The following PITPNB variants were observed in gnomAD, a reference collection of about 807,000 sequenced individuals.
PITPNB encodes phosphatidylinositol transfer protein beta.
In PITPNB, 16 loss-of-function variants were observed where a neutral mutation model predicts 45.9. The ratio of observed to expected loss-of-function variants is 0.35; its 90% CI spans 0.24 to 0.53. The LOEUF is 0.53. Among genes scored for constraint, PITPNB ranks in the 20% least tolerant of loss-of-function variants. The pLI, the probability that PITPNB is intolerant of heterozygous loss-of-function variation, is 0.93. For synonymous variants in PITPNB, 112 were observed against 108.9 expected, an observed-to-expected ratio of 1.03 and a Z score of -0.18; for missense variants, 188 against 330.5, an observed-to-expected ratio of 0.57 and a Z score of 3.34.
At chr22:27,909,623 T>C (rs147903884) in intron 3 of PITPNB, among the ~76,000 whole-genome samples, 5 of 152,176 alleles carry the variant, frequency 3.3e-5, no homozygotes, top group African/African-American at 7.2e-5. Context: ...AAGAAAAATA[T>C]GGAAAAATAC....
At chr22:27,911,826 TA>T (rs1316968093) in intron 2 of PITPNB, among the ~76,000 whole-genome samples, 2 of 152,186 alleles carry the variant, frequency 1.3e-5, no homozygotes, top group Non-Finnish European at 2.9e-5. Flanking sequence ...CATATTACCA[TA>T]AAAGGTAGGA....
intron 3 of PITPNB, among the ~76,000 whole-genome samples, chr22:27,906,255 C>G (rs1788010825): frequency 6.6e-6 from 1 of 152,196 alleles, no homozygotes; most frequent in African/African-American, 2.4e-5. Flanking sequence ...ACAGCAGAGA[C>G]TGGATTGCTT....
intron 7 of PITPNB, among the ~76,000 whole-genome samples, chr22:27,879,284 A>G (rs1397579429): frequency 6.6e-6 from 1 of 152,242 alleles, no homozygotes; most frequent in African/African-American, 2.4e-5. Context: ...TTCAGCCCCA[A>G]GAAAAGGTTA....
intron 3 of PITPNB, among the ~76,000 whole-genome samples, chr22:27,902,522 A>G (rs1206166833): frequency 6.7e-6 from 1 of 150,176 alleles, no homozygotes; most frequent in African/African-American, 2.5e-5. Context: ...AATGGATGCA[A>G]TTATTGAGTT....
At chr22:27,876,057 A>C (rs1382746427) in intron 7 of PITPNB, among the ~76,000 whole-genome samples, 2 of 152,190 alleles carry the variant, frequency 1.3e-5, no homozygotes, top group African/African-American at 4.8e-5. Flanking sequence ...AACCTTAAAG[A>C]CCACCCAAGC....
At chr22:27,917,265 A>G (rs924212970) in intron 1 of PITPNB, among the ~76,000 whole-genome samples, 10 of 152,254 alleles carry the variant, frequency 6.6e-5, no homozygotes, top group African/African-American at 2.4e-4. Flanking sequence ...TTAGCTTCAT[A>G]CTACTCACAT....
At chr22:27,864,242 T>C (rs1569006372) in intron 8 of PITPNB, among the ~76,000 whole-genome samples, 4 of 152,214 alleles carry the variant, frequency 2.6e-5, no homozygotes, top group Admixed American at 2.0e-4. Context: ...GGGAGTCATC[T>C]GTTAAATGTG....
rs182678081 is a variant in PITPNB, at chr22:27,871,672, A to G, written c.534+2066T>C. 3.3e-5 allele frequency among the ~76,000 whole-genome samples: 5 copies of G among 152,360 alleles called. No homozygotes were observed. The East Asian group carries it at 9.6e-4, about 29-fold the overall frequency. On this transcript the variant is annotated intron_variant, in intron 8 of 11. Transcript: ENST00000335272. The stretch of plus-strand genomic sequence containing the variant: ...AATCCATTAAAGCAAATTTACATCA[A>G]GCAGGCTGAATTTGTTAATTTATAA...
Position 27,901,414 on chromosome 22 carries a change from C to T in PITPNB, c.198-3522G>A, listed in dbSNP as rs16985702. Reference sequence around the variant, plus strand: ...ACTTTTCCCACCCTTCTCCTTCCCACTGCAGATGAACATCAAAACACAGAA... The same window carrying T: ...ACTTTTCCCACCCTTCTCCTTCCCATTGCAGATGAACATCAAAACACAGAA... On this transcript the variant is annotated intron_variant, in intron 3 of 11. Coordinates refer to ENST00000335272, the MANE Select transcript of PITPNB (RefSeq NM_012399.5). 9.6e-3 allele frequency among the ~76,000 whole-genome samples: 1,461 copies of T among 152,318 alleles called. 29 individuals carry two copies. Among genetic ancestry groups the T allele is most frequent in the African/African-American group, 0.034 (1,399 of 41,560 alleles).
At chr22:27,889,183 G>C (rs529175538) in intron 7 of PITPNB, among the ~76,000 whole-genome samples, 1 of 152,270 alleles carries the variant, frequency 6.6e-6, no homozygotes, top group East Asian at 1.9e-4. Context: ...AGGGAGGAGG[G>C]GGCAAGAAAC....
intron 4 of PITPNB, 94 bp from the exon 5 acceptor site, chr22:27,897,231 A>C (rs1310657336): frequency 1.2e-6 from 1 of 835,648 alleles, no homozygotes. Context: ...TAATGTCACA[A>C]AGACTAAACT....
chr22:27,896,719 G>C, intron 5 of PITPNB, 93 bp from the exon 6 acceptor site: 3 of 768,420 alleles, frequency 3.9e-6, no homozygotes, highest in Non-Finnish European at 6.8e-6. Flanking sequence ...AGGCATCCAT[G>C]CTTTGACTCT....
At chr22:27,884,827 A>C (rs1935070131) in intron 7 of PITPNB, among the ~76,000 whole-genome samples, 3 of 152,200 alleles carry the variant, frequency 2.0e-5, no homozygotes, top group Admixed American at 2.0e-4. Context: ...AAAAACACTC[A>C]GATGTTAAGG....
chr22:27,898,947 T>C (rs1935515594), intron 3 of PITPNB, among the ~76,000 whole-genome samples: 1 of 152,210 alleles, frequency 6.6e-6, no homozygotes, highest in Non-Finnish European at 1.5e-5. Flanking sequence ...GCAAATGAAG[T>C]GACTGATATA....
At position 27,853,778 on chromosome 22, in the gene PITPNB, C is replaced by A. The variant is rs1427372198; in HGVS notation, c.*39-115G>T. 10 of 730,762 alleles carry A rather than the reference C, an allele frequency of 1.4e-5. No individual in the cohort carries two copies. In the East Asian group the frequency reaches 1.9e-4, roughly 14 times the overall value. The allele number at this position is 730,762 out of a possible 1,614,324, so 45.3% of individuals were successfully genotyped here. On this transcript the variant is annotated intron_variant, in intron 11 of 11. Coordinates refer to ENST00000335272, the MANE Select transcript of PITPNB (RefSeq NM_012399.5). ...TCAAAACTTTTGGCAGAAAATGTAC[C>A]CCAACTACTGCATCTTACAATTTTC...
At chr22:27,856,920 G>C (rs1601372950) in intron 10 of PITPNB, among the ~76,000 whole-genome samples, 1 of 152,172 alleles carries the variant, frequency 6.6e-6, no homozygotes, top group East Asian at 1.9e-4. Flanking sequence ...GCTTGTTAGA[G>C]TCAGAGAAAG....
intron 3 of PITPNB, among the ~76,000 whole-genome samples, chr22:27,898,946 G>A (rs946870953): frequency 8.5e-5 from 13 of 152,188 alleles, no homozygotes; most frequent in African/African-American, 3.1e-4. Flanking sequence ...TGCAAATGAA[G>A]TGACTGATAT....
At chr22:27,889,845 C>T (rs1040005383) in intron 7 of PITPNB, among the ~76,000 whole-genome samples, 55 of 152,198 alleles carry the variant, frequency 3.6e-4, no homozygotes, top group African/African-American at 1.3e-3. Context: ...AGGTGTTGTG[C>T]CTTTTCTCTA....
At chr22:27,862,408 T>C (rs1271905726) in intron 8 of PITPNB, among the ~76,000 whole-genome samples, 1 of 152,220 alleles carries the variant, frequency 6.6e-6, no homozygotes. Context: ...GAGTCCTACA[T>C]GATTGATCAA....
Sources: gnomAD v4.1 joint callset for allele counts (sites outside exome capture counted in the v4.1 genomes callset) on GRCh38, gnomAD v4.1.1 for gene constraint, MANE v1.5 for transcripts, NCBI Gene and HGNC (gene_info 2026-07-23, HGNC 2026-07-21) for gene names.